Variants in DAW1 observed in about 807,000 individuals in gnomAD.
DAW1 encodes the protein dynein assembly factor with WD repeats 1.
A neutral mutation model predicts 56.5 loss-of-function variants in DAW1; 47 were observed. The observed-to-expected ratio is 0.83, with a 90% CI of 0.66 to 1.06. The LOEUF (loss-of-function observed/expected upper bound fraction) is 1.06, where lower values mean the gene tolerates loss of function less well. Ranked by LOEUF, DAW1 falls within the 50% of genes least tolerant of loss-of-function variation. DAW1 has a pLI of 0.00. For synonymous variants in DAW1, 190 were observed against 179.0 expected (o/e 1.06, Z -0.49); for missense variants, 505 against 499.3 (o/e 1.01, Z -0.11).
chr2:227,878,603 T>A (rs923766997), intron 1 of DAW1, among the ~76,000 whole-genome samples: 5 of 152,100 alleles, frequency 3.3e-5, no homozygotes, highest in Admixed American at 1.3e-4. Flanking sequence ...GGGCCTATAG[T>A]CCTAGCTACT....
intron 5 of DAW1, among the ~76,000 whole-genome samples, chr2:227,894,156 C>G (rs1691351880): frequency 6.6e-6 from 1 of 152,100 alleles, no homozygotes; most frequent in African/African-American, 2.4e-5. Flanking sequence ...AATCCTAGCA[C>G]TCTGGGAGGC....
chr2:227,902,225 T>G (rs1035159729), intron 6 of DAW1, among the ~76,000 whole-genome samples: 1 of 152,174 alleles, frequency 6.6e-6, no homozygotes, highest in African/African-American at 2.4e-5. Flanking sequence ...GGCTGGGTGA[T>G]GAGGCAGGGA....
At chr2:227,917,186 A>G (rs1335941961) in intron 10 of DAW1, among the ~76,000 whole-genome samples, 1 of 147,936 alleles carries the variant, frequency 6.8e-6, no homozygotes, top group African/African-American at 2.5e-5. Context: ...CTGTCTATCT[A>G]TGTATCTATC....
chr2:227,918,931 AC>A, intron 11 of DAW1, 75 bp downstream of exon 11: 1 of 1,408,520 alleles, frequency 7.1e-7, no homozygotes, highest in Non-Finnish European at 1.0e-6. Context: ...GCAGTGCCTC[AC>A]ACCTATAATC....
At chr2:227,908,650 A>G (rs1691741480) in intron 10 of DAW1, among the ~76,000 whole-genome samples, 1 of 152,236 alleles carries the variant, frequency 6.6e-6, no homozygotes, top group African/African-American at 2.4e-5. Flanking sequence ...ACATGTGTTA[A>G]CACTATACAA....
intron 10 of DAW1, among the ~76,000 whole-genome samples, chr2:227,915,703 C>T (rs1407822030): frequency 6.6e-6 from 1 of 152,072 alleles, no homozygotes; most frequent in East Asian, 1.9e-4. Flanking sequence ...AATATATGTA[C>T]TATGTTTCAT....
chr2:227,893,096 C>G (rs1177974239), intron 4 of DAW1, among the ~76,000 whole-genome samples: 3 of 151,484 alleles, frequency 2.0e-5, no homozygotes, highest in African/African-American at 7.3e-5. Context: ...AGTGAAACCC[C>G]ATCTCTACTA....
At chr2:227,889,776 A>C (rs1466111755) in intron 2 of DAW1, 80 bp from the exon 3 acceptor site, 2 of 1,194,628 alleles carry the variant, frequency 1.7e-6, no homozygotes, top group Non-Finnish European at 2.3e-6. Flanking sequence ...ATGAAGCAAT[A>C]CAATCAATTC....
intron 10 of DAW1, among the ~76,000 whole-genome samples, chr2:227,911,020 A>G (rs1293579237): frequency 6.6e-6 from 1 of 151,910 alleles, no homozygotes; most frequent in African/African-American, 2.4e-5. Flanking sequence ...ACACCGCCCT[A>G]TATCTGCATT....
At chr2:227,885,722 C>T (rs2106191037) in intron 2 of DAW1, among the ~76,000 whole-genome samples, 1 of 152,236 alleles carries the variant, frequency 6.6e-6, no homozygotes, top group Non-Finnish European at 1.5e-5. Flanking sequence ...CCCGATTCCC[C>T]TGATGTTAAC....
intron 12 of DAW1, among the ~76,000 whole-genome samples, chr2:227,922,723 A>G (rs1619037): frequency 0.48 from 73,386 of 152,092 alleles, 18,208 homozygotes; most frequent in Middle Eastern, 0.63. Flanking sequence ...AATGATGGAC[A>G]GTTTCCGAAA....
intron 10 of DAW1, 23 bp from the exon 11 acceptor site, chr2:227,918,757 A>T: frequency 6.2e-7 from 1 of 1,612,722 alleles, no homozygotes; most frequent in Non-Finnish European, 8.5e-7. Context: ...GAATTTATAT[A>T]TATCCCCACC....
intron 11 of DAW1, 68 bp downstream of exon 11, chr2:227,918,924 G>A: frequency 1.4e-6 from 2 of 1,460,934 alleles, no homozygotes; most frequent in Non-Finnish European, 1.9e-6. Flanking sequence ...CCCAGGTGCA[G>A]TGCCTCACAC....
intron 2 of DAW1, 95 bp downstream of exon 2, chr2:227,885,518 A>C: frequency 1.1e-6 from 1 of 904,726 alleles, no homozygotes. Context: ...CAGATAATAC[A>C]TTATGTTTTA....
In DAW1 at chr2:227,891,449, A is replaced by G. The variant is rs947525706; in HGVS notation, c.317+136A>G. The G allele has an allele frequency of 8.1e-5, 57 of 703,742 alleles. No homozygotes were observed. In the African/African-American group the frequency reaches 1.0e-3, roughly 13 times the overall value. 43.6% of individuals were successfully genotyped at this position (703,742 alleles called of 1,614,324 possible). A position where few individuals can be genotyped will look rare whatever the true frequency, so the allele number is the denominator to read the frequency against. Reference sequence around the variant, plus strand: ...GTACTCCCTTGGATACTGAGGAGAAATATAAACCCTTTCTCCCACTCTTCT... The same window carrying G: ...GTACTCCCTTGGATACTGAGGAGAAGTATAAACCCTTTCTCCCACTCTTCT... On this transcript the variant is annotated intron_variant, in intron 4 of 12. Transcript: ENST00000309931.
chr2:227,900,353 A>G (rs1349744240), intron 6 of DAW1, among the ~76,000 whole-genome samples: 1 of 152,172 alleles, frequency 6.6e-6, no homozygotes. Context: ...TTTCACAGTC[A>G]ACAACATCCA....
chr2:227,892,708 C>T (rs550988311), intron 4 of DAW1, among the ~76,000 whole-genome samples: 1 of 152,230 alleles, frequency 6.6e-6, no homozygotes, highest in Admixed American at 6.5e-5. Context: ...AGTTGAGTTT[C>T]GCTATTAGAC....
chr2:227,918,844 T>G lies in DAW1; in HGVS notation c.1038T>G (p.Gly346=). The G allele has an allele frequency of 6.2e-7, 1 of 1,613,980 alleles. No homozygotes were observed. Residue 346 remains glycine (G), a synonymous_variant, in exon 11 of 13, where the codon GGT becomes GGG. Transcript: ENST00000309931. Reference sequence around the variant, plus strand: ...TTGCCAAACTGGAAGGTCATGAAGGTGAAATTTCAAAGGTGAGTCGCTTTC... The same window carrying G: ...TTGCCAAACTGGAAGGTCATGAAGGGGAAATTTCAAAGGTGAGTCGCTTTC... The part of the protein sequence containing the change: ...KCIAKLEGHE[G]EISKISFNPQ...
rs575886524 is a variant in DAW1, at chr2:227,880,938, C to T, written c.41-4413C>T. On this transcript the variant is annotated intron_variant, in intron 1 of 12. Coordinates refer to ENST00000309931, the MANE Select transcript of DAW1 (RefSeq NM_178821.3). ...TTGATGGTAATTAAAGACATGGTAC[C>T]GATGAATTTAATGTAAGGTGAGACG... Among the ~76,000 whole-genome samples, 11 of 152,142 alleles carry T rather than the reference C, an allele frequency of 7.2e-5. No homozygotes were observed. The South Asian group carries it at 1.0e-3, about 14-fold the overall frequency.
Sources: gnomAD v4.1 joint callset for allele counts (sites outside exome capture counted in the v4.1 genomes callset) on GRCh38, gnomAD v4.1.1 for gene constraint, MANE v1.5 for transcripts, NCBI Gene and HGNC (gene_info 2026-07-23, HGNC 2026-07-21) for gene names.